Variants in DDX4 observed in about 807,000 individuals in gnomAD.
The protein encoded by DDX4 is DEAD-box helicase 4.
DDX4 carries 25 observed loss-of-function variants against 100.0 expected under a neutral mutation model. The ratio of observed to expected loss-of-function variants is 0.25; its 90% confidence interval spans 0.18 to 0.35. The LOEUF (loss-of-function observed/expected upper bound fraction) is 0.35. Among genes scored for constraint, DDX4 ranks in the 10% least tolerant of loss-of-function variants. DDX4 has a pLI of 1.00. For missense variants in DDX4, 635 were observed against 882.4 expected, an observed-to-expected ratio of 0.72 and a Z score of 3.55; for synonymous variants, 259 against 275.7, an observed-to-expected ratio of 0.94 and a Z score of 0.60.
chr5:55,801,951 G>C (rs1344077342), intron 18 of DDX4, among the ~76,000 whole-genome samples: 1 of 152,260 alleles, frequency 6.6e-6, no homozygotes, highest in East Asian at 1.9e-4. Flanking sequence ...GTCCTGTCAG[G>C]AAGTGTATGA....
intron 18 of DDX4, among the ~76,000 whole-genome samples, chr5:55,813,330 A>G (rs796514311): frequency 6.6e-6 from 1 of 152,152 alleles, no homozygotes; most frequent in Non-Finnish European, 1.5e-5. Context: ...ACATTTATAG[A>G]GCGAGGGAAA....
intron 6 of DDX4, among the ~76,000 whole-genome samples, chr5:55,767,223 T>C (rs561965827): frequency 6.6e-6 from 1 of 152,168 alleles, no homozygotes; most frequent in Non-Finnish European, 1.5e-5. Context: ...GCGAATCACC[T>C]GAGGTTCAGG....
intron 2 of DDX4, among the ~76,000 whole-genome samples, chr5:55,740,672 ATTTT>A (rs11294945): frequency 1.8e-5 from 2 of 113,628 alleles, no homozygotes; most frequent in Non-Finnish European, 1.8e-5. Context: ...CGCCCCGCTA[ATTTT>A]TTTTTTTTTT....
chr5:55,739,183 T>C, intron 2 of DDX4, 151 bp downstream of exon 2: 2 of 602,952 alleles, frequency 3.3e-6, no homozygotes, highest in Non-Finnish European at 5.8e-6. Context: ...AGAGACAACC[T>C]AAGCCTCGTA....
chr5:55,796,251 A>G (rs1742928288), intron 17 of DDX4, among the ~76,000 whole-genome samples: 1 of 152,148 alleles, frequency 6.6e-6, no homozygotes, highest in South Asian at 2.1e-4. Context: ...CTCTGGTAGC[A>G]CCCTCAGAGA....
chr5:55,793,361 A>T (rs547619459), intron 17 of DDX4, among the ~76,000 whole-genome samples: 1 of 118,960 alleles, frequency 8.4e-6, no homozygotes, highest in African/African-American at 4.4e-5. Context: ...GCAGAAGCTT[A>T]TACAGATGGG....
At position 55,796,823 on chromosome 5, in the gene DDX4, C is replaced by CTTTTTTTTTTTTTTTTTTTTTTTTTTTT. The variant is rs3990072; in HGVS notation, c.1470-1596_1470-1569dup. 1.1e-3 allele frequency among the ~76,000 whole-genome samples: 66 copies of CTTTTTTTTTTTTTTTTTTTTTTTTTTTT among 59,946 alleles called. 11 individuals are homozygous for CTTTTTTTTTTTTTTTTTTTTTTTTTTTT. The highest frequency in any genetic ancestry group is 2.7e-3 in the South Asian group (3 of 1,120). The allele number at this position is 59,946 out of a possible 152,430, so 39.3% of individuals were successfully genotyped here. ...TTTTCTTTTCTTTTTTTCTTTCTTT[C>CTTTTTTTTTTTTTTTTTTTTTTTTTTTT]TTTTTTTTTTTTTTTTTTTTTTTTT... On this transcript the variant is annotated intron_variant, in intron 17 of 21. Transcript: ENST00000505374.
chr5:55,763,899 A>C, intron 5 of DDX4, 115 bp from the exon 6 acceptor site: 1 of 693,230 alleles, frequency 1.4e-6, no homozygotes, highest in Non-Finnish European at 2.5e-6. Flanking sequence ...TGTGATAGCT[A>C]TGTATACAAT....
At chr5:55,752,713 T>C (rs1580519886) in intron 3 of DDX4, among the ~76,000 whole-genome samples, 2 of 145,358 alleles carry the variant, frequency 1.4e-5, no homozygotes, top group East Asian at 4.1e-4. Flanking sequence ...ATGGGATGGC[T>C]GGGTCAAATG....
At chr5:55,755,179 A>G (rs966303082) in intron 3 of DDX4, among the ~76,000 whole-genome samples, 1 of 152,158 alleles carries the variant, frequency 6.6e-6, no homozygotes, top group South Asian at 2.1e-4. Context: ...GTCTTAAAGC[A>G]TTGGATAAAA....
intron 3 of DDX4, among the ~76,000 whole-genome samples, chr5:55,756,631 G>T (rs1759953426): frequency 6.6e-6 from 1 of 152,070 alleles, no homozygotes; most frequent in South Asian, 2.1e-4. Context: ...GGTGGTTTTA[G>T]TATATGGAAT....
At chr5:55,748,907 G>A (rs187480652) in intron 3 of DDX4, among the ~76,000 whole-genome samples, 6 of 152,010 alleles carry the variant, frequency 3.9e-5, no homozygotes, top group Middle Eastern at 3.4e-3. Flanking sequence ...TACTTGTCTT[G>A]TTTTTCCTTT....
Position 55,785,281 on chromosome 5 carries a change from T to C in DDX4, c.626-16T>C, listed in dbSNP as rs371234043. The C allele has an allele frequency of 4.5e-6, 7 of 1,562,774 alleles. No homozygotes were observed. Among genetic ancestry groups the C allele is most frequent in the East Asian group, 4.5e-5 (2 of 44,516 alleles). On this transcript the variant is annotated splice_polypyrimidine_tract_variant and intron_variant, in intron 10 of 21. Transcript: ENST00000505374. ...TTACATCTTGACCGATTGTCACTTA[T>C]GAATTTCTTTAATAGGTGGTTACAA...
chr5:55,788,544 GT>G (rs565766390), intron 15 of DDX4, among the ~76,000 whole-genome samples: 483 of 152,188 alleles, frequency 3.2e-3, no homozygotes, highest in Middle Eastern at 6.8e-3. Context: ...TTTCTTGGTA[GT>G]TTTTAATGTA....
At chr5:55,741,246 T>G (rs1180793983) in intron 2 of DDX4, among the ~76,000 whole-genome samples, 1 of 152,192 alleles carries the variant, frequency 6.6e-6, no homozygotes, top group Non-Finnish European at 1.5e-5. Context: ...AAATTTCCCT[T>G]TTTGGGATCT....
In DDX4 at chr5:55,790,587, G is replaced by A. The variant is rs377255625; in HGVS notation, c.1184G>A (p.Arg395Lys). 3 of 1,592,320 alleles carry A rather than the reference G, an allele frequency of 1.9e-6. No homozygotes were observed. In the African/African-American group the frequency reaches 4.0e-5, roughly 21 times the overall value. Residue 395 changes from arginine (R) to lysine (K), a missense_variant, in exon 16 of 22, where the codon AGA (arginine) becomes AAA (lysine). By Grantham distance (26) the Arg-to-Lys change is conservative. This residue lies in a region of DDX4 where 446 missense variants were observed against 540.8 expected (regional missense o/e 0.82). Coordinates refer to ENST00000505374, the MANE Select transcript of DDX4 (RefSeq NM_024415.3). ...ARKFSFGTCV[R>K]AVVIYGGTQL... is the part of the protein sequence containing the mutation. ...TTTCTTGTTAATAGGACTTGTGTAAGAGCTGTTGTTATATATGGGGGAACC... is the reference window on the plus strand; with the variant it reads ...TTTCTTGTTAATAGGACTTGTGTAAAAGCTGTTGTTATATATGGGGGAACC...
At chr5:55,809,055 T>C (rs1297633873) in intron 18 of DDX4, among the ~76,000 whole-genome samples, 1 of 152,220 alleles carries the variant, frequency 6.6e-6, no homozygotes, top group African/African-American at 2.4e-5. Context: ...CCTTGCAGTT[T>C]GATCTCAGAC....
chr5:55,793,065 T>TGTGTGTGTGTGTGTGTTTGTGTG (rs1160621818), intron 17 of DDX4, among the ~76,000 whole-genome samples: 1 of 149,082 alleles, frequency 6.7e-6, no homozygotes, highest in African/African-American at 2.5e-5. Flanking sequence ...TTTGTGTGTG[T>TGTGTGTGTGTGTGTGTTTGTGTG]TGTTGTTGTT....
intron 3 of DDX4, among the ~76,000 whole-genome samples, chr5:55,751,515 G>A (rs927697249): frequency 3.3e-5 from 5 of 152,198 alleles, no homozygotes; most frequent in Non-Finnish European, 5.9e-5. Context: ...GATTATAGGC[G>A]TGAGCCACCA....
Sources: allele counts gnomAD v4.1 joint callset (sites outside exome capture counted in the v4.1 genomes callset), GRCh38; gene constraint gnomAD v4.1.1; regional missense constraint gnomAD v4.1.1; transcripts MANE v1.5; gene names NCBI Gene and HGNC (gene_info 2026-07-23, HGNC 2026-07-21).